The following ABCG5 variants were observed in gnomAD, a reference collection of about 807,000 sequenced individuals.
ABCG5 encodes ATP binding cassette subfamily G member 5, also known as ATP-binding cassette sub-family G member 5.
A neutral mutation model predicts 64.5 loss-of-function variants in ABCG5; 64 were observed. The observed-to-expected ratio is 0.99, with a 90% CI of 0.81 to 1.22. ABCG5 has a LOEUF of 1.22. Among genes scored for constraint, ABCG5 ranks in the 50% most tolerant of loss-of-function variants. The pLI, the probability that ABCG5 is intolerant of heterozygous loss-of-function variation, is 0.00. For synonymous variants in ABCG5, 385 were observed against 326.3 expected, an observed-to-expected ratio of 1.18 and a Z score of -1.94; for missense variants, 908 against 829.5, an observed-to-expected ratio of 1.09 and a Z score of -1.16.
Position 43,837,967 on chromosome 2 carries a change from A to AC in ABCG5, c.144-13dup. 6.2e-7 allele frequency: 1 copy of AC among 1,613,562 alleles called. No individual in the cohort carries two copies. The highest frequency in any genetic ancestry group is 8.5e-7 in the Non-Finnish European group (1 of 1,179,732). The stretch of plus-strand genomic sequence containing the variant: ...GCCTCACGCGGTGGCTTTAAAGGAA[A>AC]CCCCAGGAAGGCAAAGGCAGCTTGG... On this transcript the variant is annotated splice_polypyrimidine_tract_variant and intron_variant, in intron 1 of 12. Transcript: ENST00000405322.
At chr2:43,814,444 T>C (rs1418023120) in intron 12 of ABCG5, 33 bp downstream of exon 12, 2 of 1,416,198 alleles carry the variant, frequency 1.4e-6, no homozygotes, top group Admixed American at 3.4e-5. Context: ...CAGAGTAACA[T>C]GCAAAAATAA....
rs913359583 is a variant in ABCG5, at chr2:43,824,494, A to G, written c.905-62T>C. 15 of 1,600,402 alleles carry G rather than the reference A, an allele frequency of 9.4e-6. No homozygotes were observed. The Admixed American group carries it at 1.3e-4, about 14-fold the overall frequency. ...TTTAAATGCATGTATGTACATGGAT[A>G]TACAATTGGTACAGGAGTACTGGCC... On this transcript the variant is annotated intron_variant, in intron 7 of 12. Transcript: ENST00000405322.
At chr2:43,821,901 T>C (rs1395264825) in intron 10 of ABCG5, among the ~76,000 whole-genome samples, 1 of 152,050 alleles carries the variant, frequency 6.6e-6, no homozygotes, top group Non-Finnish European at 1.5e-5. Flanking sequence ...CACCCCATCT[T>C]TGAAAGTGTG....
intron 2 of ABCG5, among the ~76,000 whole-genome samples, chr2:43,833,964 G>A (rs1668106540): frequency 6.6e-6 from 1 of 152,216 alleles, no homozygotes; most frequent in South Asian, 2.1e-4. Flanking sequence ...GATTACAGGT[G>A]TGAGCGACCG....
At chr2:43,811,912 C>A (rs1398370154), downstream of ABCG5, among the ~76,000 whole-genome samples, 1 of 152,120 alleles carries the variant, frequency 6.6e-6, no homozygotes, top group African/African-American at 2.4e-5. Context: ...TTTTTAATAA[C>A]CTATTTACAT....
chr2:43,819,896 T>C lies in ABCG5; in HGVS notation c.1649+19A>G. On this transcript the variant is annotated intron_variant, in intron 11 of 12. Transcript: ENST00000405322. The stretch of plus-strand genomic sequence containing the variant: ...AACAGATTATCCCAATCTAAATTTT[T>C]TGAATTATGATATCTTACCTGAGGA... 2 of 1,613,644 alleles carry C rather than the reference T, an allele frequency of 1.2e-6. No individual in the cohort carries two copies. The highest frequency in any genetic ancestry group is 1.7e-6 in the Non-Finnish European group (2 of 1,179,584).
intron 10 of ABCG5, chr2:43,822,529 G>A (rs1258011872): frequency 3.1e-6 from 3 of 978,120 alleles, no homozygotes; most frequent in Non-Finnish European, 3.6e-6. Flanking sequence ...TCTCTTCTCT[G>A]GCCCAGGCCC....
intron 6 of ABCG5, 43 bp from the exon 7 acceptor site, chr2:43,825,061 A>T (rs1286367050): frequency 1.2e-6 from 2 of 1,608,108 alleles, no homozygotes; most frequent in Non-Finnish European, 1.7e-6. Context: ...TCACAAGGGT[A>T]GCGATGCACT....
intron 2 of ABCG5, among the ~76,000 whole-genome samples, chr2:43,834,272 A>G (rs965559440): frequency 1.3e-5 from 2 of 152,090 alleles, no homozygotes; most frequent in African/African-American, 2.4e-5. Context: ...TCCAATCTGA[A>G]CTCTGGCAGA....
At chr2:43,810,194 G>A (rs3792009), downstream of ABCG5, among the ~76,000 whole-genome samples, 33,450 of 152,140 alleles carry the variant, frequency 0.22, 4,294 homozygotes, top group African/African-American at 0.34. Context: ...TGGGTTCACA[G>A]ATGTCAAAAT....
downstream of ABCG5, among the ~76,000 whole-genome samples, chr2:43,810,751 C>T (rs1203927246): frequency 6.6e-6 from 1 of 152,116 alleles, no homozygotes; most frequent in African/African-American, 2.4e-5. Flanking sequence ...AGCATGTTTC[C>T]AAGGAACCTC....
chr2:43,836,187 C>T (rs529987953), intron 2 of ABCG5, among the ~76,000 whole-genome samples: 97 of 152,130 alleles, frequency 6.4e-4, no homozygotes, highest in Non-Finnish European at 1.1e-3. Context: ...GTGATCCGCC[C>T]GCCTCTGCCT....
chr2:43,838,649 C>G lies in ABCG5; in HGVS notation c.31G>C (p.Gly11Arg). 6.2e-7 allele frequency: 1 copy of G among 1,613,692 alleles called. No homozygotes were observed. MGDLSSLTPGGSMGLQVNRGS... is the reference protein window; with the variant it reads MGDLSSLTPGRSMGLQVNRGS... ...CTGTTTACTTGGAGACCCATGGACC[C>G]TCCGGGGGTCAAAGATGAGAGGTCA... Residue 11 changes from glycine to arginine, a missense_variant, in exon 1 of 13, where the codon GGG becomes CGG. Gly to Arg is a moderately radical substitution (Grantham distance 125). Coordinates refer to ENST00000405322, the MANE Select transcript of ABCG5 (RefSeq NM_022436.3). The surrounding 1 kb of genome is among the most constrained non-coding windows in gnomAD (Gnocchi z 4.2).
intron 12 of ABCG5, among the ~76,000 whole-genome samples, chr2:43,814,158 T>A (rs1348801100): frequency 6.6e-6 from 1 of 152,202 alleles, no homozygotes; most frequent in Non-Finnish European, 1.5e-5. Flanking sequence ...CACTTCAGCC[T>A]GCTTGAATGT....
At position 43,838,754 on chromosome 2, in the gene ABCG5, C is replaced by A; in HGVS notation, c.-75G>T. 6.3e-7 allele frequency: 1 copy of A among 1,580,068 alleles called. No individual in the cohort carries two copies. Among genetic ancestry groups the A allele is most frequent in the South Asian group, 1.2e-5 (1 of 86,282 alleles). The stretch of plus-strand genomic sequence containing the variant: ...CCAGAGTGGCTTCAGTTGGGGAGCC[C>A]GTGGCAGACTGCCCTGCCTGCTCCA... On this transcript the variant is annotated 5_prime_UTR_variant, in exon 1 of 13. Transcript: ENST00000405322. This position sits in a 1 kb window ranked among gnomAD's most constrained non-coding sequence, Gnocchi z 4.2.
chr2:43,818,014 C>G, intron 11 of ABCG5, among the ~76,000 whole-genome samples: 1 of 152,230 alleles, frequency 6.6e-6, no homozygotes, highest in Non-Finnish European at 1.5e-5. Flanking sequence ...TTAACGTTAA[C>G]CTACAGTTGG....
intron 12 of ABCG5, among the ~76,000 whole-genome samples, chr2:43,813,841 C>T (rs1018475371): frequency 7.3e-5 from 11 of 150,834 alleles, no homozygotes; most frequent in African/African-American, 2.7e-4. Context: ...CTTCAGCCTC[C>T]TGTGTAGCTG....
chr2:43,831,860 G>A lies in ABCG5; in HGVS notation c.410C>T (p.Thr137Ile), dbSNP rs1172279272. 1.3e-6 allele frequency: 2 copies of A among 1,576,696 alleles called. No individual in the cohort carries two copies. The highest frequency in any genetic ancestry group is 1.7e-6 in the Non-Finnish European group (2 of 1,162,982). Residue 137 changes from threonine (T) to isoleucine (I), a missense_variant, in exon 4 of 13, where the codon ACC (threonine) becomes ATC (isoleucine). Thr to Ile is a moderately conservative substitution (Grantham distance 89, BLOSUM62 -1). Transcript: ENST00000405322. ...GCGCACGGTGAGGCTGCTCAGCAGG[G>A]TGTCGCTCTGCAGGAGACTCGGGCG... is the stretch of plus-strand genomic sequence containing the variant. ...DCFSYVLQSD[T>I]LLSSLTVRET...
rs532840788 is a variant in ABCG5 at position 43,824,152 on chromosome 2, C to G, written c.1119-34G>C. On this transcript the variant is annotated intron_variant, in intron 8 of 12. Transcript: ENST00000405322. The stretch of plus-strand genomic sequence containing the variant: ...AAACAACCCTGTTTTAATTCCTTTT[C>G]AGAATTGTTATTGGGGGATGGCTAA... The G allele has an allele frequency of 4.3e-6, 7 of 1,613,990 alleles. No individual in the cohort carries two copies. The African/African-American group carries it at 9.3e-5, about 22-fold the overall frequency.
Sources: allele counts gnomAD v4.1 joint callset (sites outside exome capture counted in the v4.1 genomes callset), GRCh38; gene constraint gnomAD v4.1.1; non-coding constraint Gnocchi (gnomAD v3.1); transcripts MANE v1.5; gene names NCBI Gene and HGNC (gene_info 2026-07-23, HGNC 2026-07-21).